The following IGF2BP2 variants were observed in gnomAD, a reference collection of about 807,000 sequenced individuals.
IGF2BP2 encodes the protein insulin-like growth factor 2 mRNA-binding protein 2.
A neutral mutation model predicts 75.8 loss-of-function variants in IGF2BP2; 17 were observed. That is an observed-to-expected ratio of 0.22 (90% CI 0.15 to 0.34). The LOEUF (loss-of-function observed/expected upper bound fraction) is 0.34, where lower values mean the gene tolerates loss of function less well. IGF2BP2 is among the 10% of genes least tolerant of loss of function. The pLI is 1.00. For missense variants in IGF2BP2, 516 were observed against 772.4 expected, an observed-to-expected ratio of 0.67 and a Z score of 3.93; for synonymous variants, 288 against 295.6, an observed-to-expected ratio of 0.97 and a Z score of 0.26.
chr3:185,737,287 C>A (rs1186946680), intron 2 of IGF2BP2, among the ~76,000 whole-genome samples: 1 of 152,186 alleles, frequency 6.6e-6, no homozygotes, highest in Non-Finnish European at 1.5e-5. Context: ...CTTTCTGGAG[C>A]TGATGTACAC....
intron 2 of IGF2BP2, among the ~76,000 whole-genome samples, chr3:185,802,018 T>C (rs1056943113): frequency 2.6e-5 from 4 of 151,288 alleles, no homozygotes; most frequent in Non-Finnish European, 5.9e-5. Context: ...TGTCAAGCAG[T>C]AGGGGGCAAG....
intron 2 of IGF2BP2, among the ~76,000 whole-genome samples, chr3:185,810,780 AAACAACAAAAAAC>A (rs1219442731): frequency 1.5e-5 from 2 of 137,848 alleles, no homozygotes; most frequent in African/African-American, 6.4e-5. Context: ...TCAAAAAAAA[AAACAACAAAAAAC>A]AAAAACTAAA....
Position 185,675,805 on chromosome 3 carries a change from C to T in IGF2BP2, c.921G>A (p.Lys307=). 6.2e-7 allele frequency: 1 copy of T among 1,612,804 alleles called. No homozygotes were observed. Among genetic ancestry groups the T allele is most frequent in the East Asian group, 2.2e-5 (1 of 44,864 alleles). Residue 307 remains lysine, a synonymous_variant, in exon 8 of 16, where the codon AAG becomes AAA. Transcript: ENST00000382199. ...AAGTGGCTTACGATGAGATTGTTAT[C>T]TTGGTCCCTGTTTCATGTTCAATTT... ...LKKIEHETGT[K]ITISSLQDLS... is the part of the protein sequence containing the mutation.
chr3:185,816,283 AC>A (rs1740595265), intron 2 of IGF2BP2, among the ~76,000 whole-genome samples: 2 of 152,264 alleles, frequency 1.3e-5, no homozygotes, highest in Non-Finnish European at 2.9e-5. Context: ...AACAACAACA[AC>A]CCCACAACCT....
chr3:185,804,111 G>C (rs1738651463), intron 2 of IGF2BP2, among the ~76,000 whole-genome samples: 1 of 152,158 alleles, frequency 6.6e-6, no homozygotes, highest in African/African-American at 2.4e-5. Context: ...ACAAAAATTA[G>C]CCAGGCGTGG....
intron 10 of IGF2BP2, among the ~76,000 whole-genome samples, chr3:185,659,758 C>T (rs1015850838): frequency 1.3e-5 from 2 of 151,856 alleles, no homozygotes; most frequent in African/African-American, 4.8e-5. Flanking sequence ...CTCTTTTAAT[C>T]CTCACAACAG....
intron 2 of IGF2BP2, among the ~76,000 whole-genome samples, chr3:185,736,285 C>T (rs754714172): frequency 1.1e-4 from 17 of 152,312 alleles, no homozygotes; most frequent in Middle Eastern, 6.8e-3. Context: ...CTTCCAAGGG[C>T]CCCAACAAAC....
At chr3:185,798,211 T>C (rs184592160) in intron 2 of IGF2BP2, among the ~76,000 whole-genome samples, 3 of 151,914 alleles carry the variant, frequency 2.0e-5, no homozygotes, top group East Asian at 1.9e-4. Context: ...GAAAAAAAAA[T>C]TGCTTTTCAG....
At chr3:185,680,597 T>TA (rs2149270049) in intron 7 of IGF2BP2, among the ~76,000 whole-genome samples, 1 of 152,316 alleles carries the variant, frequency 6.6e-6, no homozygotes, top group Admixed American at 6.5e-5. Context: ...AAAAGGATTA[T>TA]AAGCCACGAC....
intron 11 of IGF2BP2, 24 bp from the exon 12 acceptor site, chr3:185,657,426 A>G (rs1398896783): frequency 6.4e-7 from 1 of 1,561,718 alleles, no homozygotes; most frequent in African/African-American, 1.4e-5. Flanking sequence ...ACAAGAAAGA[A>G]GACATCATTC....
At chr3:185,819,651 A>G (rs896847131) in intron 2 of IGF2BP2, among the ~76,000 whole-genome samples, 1 of 151,996 alleles carries the variant, frequency 6.6e-6, no homozygotes, top group Non-Finnish European at 1.5e-5. Context: ...ACAGTTTAAT[A>G]TATATTCTGT....
At chr3:185,666,271 G>T (rs80216702) in intron 10 of IGF2BP2, among the ~76,000 whole-genome samples, 1 of 152,166 alleles carries the variant, frequency 6.6e-6, no homozygotes, top group Non-Finnish European at 1.5e-5. Context: ...TGTTTGTAGT[G>T]AGCAATGAAA....
Position 185,645,613 on chromosome 3 carries a change from C to A in IGF2BP2, c.1718G>T (p.Arg573Leu). 1 of 1,613,416 alleles carries A rather than the reference C, an allele frequency of 6.2e-7. No homozygotes were observed. Among genetic ancestry groups the A allele is most frequent in the Non-Finnish European group, 8.5e-7 (1 of 1,179,566 alleles). Reference protein sequence around the residue: ...GHFFASQTAQRKIREIVQQVK... With the variant: ...GHFFASQTAQLKIREIVQQVK... ...CTGTTGTACAATTTCCCTGATCTTGCGCTGTGCAGTCTGCAGCAAGGGAGA... is the reference window on the plus strand; with the variant it reads ...CTGTTGTACAATTTCCCTGATCTTGAGCTGTGCAGTCTGCAGCAAGGGAGA... Residue 573 changes from arginine to leucine, a missense_variant, in exon 16 of 16, where the codon CGC becomes CTC. Physicochemically the swap from Arg to Leu is moderately radical, Grantham distance 102. Around this residue, in one of 3 missense-constraint regions of IGF2BP2, gnomAD observed 129 missense variants for 230.5 expected, o/e 0.56. Coordinates refer to ENST00000382199, the MANE Select transcript of IGF2BP2 (RefSeq NM_006548.6). This position sits in a 1 kb window ranked among gnomAD's most constrained non-coding sequence, Gnocchi z 4.9.
rs1005063547 is a variant in IGF2BP2, at chr3:185,732,284, G to A, written c.240-33937C>T. ...TTCCTCAGTACTTGGCATGCAGAGC[G>A]AAACTCAGAAAAGATCTGTTGGATT... is the stretch of plus-strand genomic sequence containing the variant. On this transcript the variant is annotated intron_variant, in intron 2 of 15. Transcript: ENST00000382199. 7.9e-5 allele frequency among the ~76,000 whole-genome samples: 12 copies of A among 152,282 alleles called. No homozygotes were observed. The South Asian group carries it at 2.3e-3, about 29-fold the overall frequency.
intron 2 of IGF2BP2, among the ~76,000 whole-genome samples, chr3:185,792,940 CTA>C (rs1736851947): frequency 6.6e-6 from 1 of 152,102 alleles, no homozygotes. Context: ...TCTTCCTCCT[CTA>C]TCTCAGCCAG....
chr3:185,645,398 C>T lies in IGF2BP2; in HGVS notation c.*133G>A, dbSNP rs905280453. The stretch of plus-strand genomic sequence containing the variant: ...TCAGGGCCTCGGCAGAGTCCCTGGC[C>T]GCCTCCGCAGACTTCTCATTCCTCA... On this transcript the variant is annotated 3_prime_UTR_variant, in exon 16 of 16. Transcript: ENST00000382199. This position sits in a 1 kb window ranked among gnomAD's most constrained non-coding sequence, Gnocchi z 4.9. 8.0e-5 allele frequency: 53 copies of T among 661,324 alleles called. No homozygotes were observed. The highest frequency in any genetic ancestry group is 1.1e-4 in the Non-Finnish European group (40 of 373,366). 41.0% of individuals were successfully genotyped at this position (661,324 alleles called of 1,614,324 possible). A position where few individuals can be genotyped will look rare whatever the true frequency, so the allele number is the denominator to read the frequency against.
intron 2 of IGF2BP2, among the ~76,000 whole-genome samples, chr3:185,800,241 C>T (rs757300692): frequency 2.0e-5 from 3 of 151,978 alleles, no homozygotes; most frequent in Non-Finnish European, 4.4e-5. Flanking sequence ...AACACTTGGA[C>T]ACAAAGCGGG....
chr3:185,761,456 A>T (rs1024152292), intron 2 of IGF2BP2, among the ~76,000 whole-genome samples: 2 of 152,238 alleles, frequency 1.3e-5, no homozygotes, highest in African/African-American at 4.8e-5. Flanking sequence ...ACGTGTCAGC[A>T]TCAGAGAACA....
chr3:185,780,375 A>T (rs1177372842), intron 2 of IGF2BP2, among the ~76,000 whole-genome samples: 1 of 152,194 alleles, frequency 6.6e-6, no homozygotes, highest in Non-Finnish European at 1.5e-5. Flanking sequence ...AATATTTTTC[A>T]AGTAGCTATA....
Sources: allele counts gnomAD v4.1 joint callset (sites outside exome capture counted in the v4.1 genomes callset), GRCh38; gene constraint gnomAD v4.1.1; regional missense constraint gnomAD v4.1.1; non-coding constraint Gnocchi (gnomAD v3.1); transcripts MANE v1.5; gene names NCBI Gene and HGNC (gene_info 2026-07-23, HGNC 2026-07-21).